Variants in ST6GALNAC3 observed in about 807,000 individuals in gnomAD.
ST6GALNAC3 encodes ST6 N-acetylgalactosaminide alpha-2,6-sialyltransferase 3.
A neutral mutation model predicts 32.7 loss-of-function variants in ST6GALNAC3; 25 were observed. That is an observed-to-expected ratio of 0.76 (90% confidence interval 0.56 to 1.07). The LOEUF (loss-of-function observed/expected upper bound fraction) is 1.07, where lower values mean the gene tolerates loss of function less well. Ranked by LOEUF, ST6GALNAC3 falls within the 50% of genes least tolerant of loss-of-function variation. The pLI, the probability that ST6GALNAC3 is intolerant of heterozygous loss-of-function variation, is 0.00. For synonymous variants in ST6GALNAC3, 129 were observed against 133.1 expected (o/e 0.97, Z 0.21); for missense variants, 355 against 382.4 (o/e 0.93, Z 0.60).
Position 76,439,879 on chromosome 1 carries a change from A to G in ST6GALNAC3, c.623+27462A>G, listed in dbSNP as rs1340740757. On this transcript the variant is annotated intron_variant, in intron 3 of 4. Transcript: ENST00000328299. ...CCACTTACCATCAGTGTCACTTTGT[A>G]CACATTAACCTCTATGTGCCTCACT... Among the ~76,000 whole-genome samples the G allele has an allele frequency of 4.6e-5, 7 of 152,356 alleles. No homozygotes were observed. In the East Asian group the frequency reaches 1.4e-3, roughly 29 times the overall value.
intron 2 of ST6GALNAC3, among the ~76,000 whole-genome samples, chr1:76,362,686 A>G (rs780987795): frequency 1.3e-5 from 2 of 152,218 alleles, no homozygotes; most frequent in Non-Finnish European, 2.9e-5. Flanking sequence ...CAAGTCCTAA[A>G]CCCAACAGGG....
chr1:76,352,364 C>CT (rs35217803), intron 2 of ST6GALNAC3, among the ~76,000 whole-genome samples: 136 of 146,484 alleles, frequency 9.3e-4, no homozygotes, highest in East Asian at 1.6e-3. Flanking sequence ...CTATTTCCTC[C>CT]TTTTTTTTTT....
Position 76,175,876 on chromosome 1 carries a change from C to T in ST6GALNAC3, c.18+100992C>T, listed in dbSNP as rs375782348. On this transcript the variant is annotated intron_variant, in intron 1 of 4. Transcript: ENST00000328299. The stretch of plus-strand genomic sequence containing the variant: ...ACTAATCACAATTTTAACATTGCTT[C>T]TCCAGAAAAATACTTTCTGAGTTAC... 4.5e-4 allele frequency among the ~76,000 whole-genome samples: 68 copies of T among 152,242 alleles called. 3 individuals carry two copies. The highest frequency in any genetic ancestry group is 1.6e-3 in the African/African-American group (66 of 41,550).
intron 3 of ST6GALNAC3, among the ~76,000 whole-genome samples, chr1:76,495,066 C>G (rs907559225): frequency 2.6e-5 from 4 of 152,186 alleles, no homozygotes; most frequent in South Asian, 2.1e-4. Flanking sequence ...AGGCATCCCC[C>G]ACATTAGGAA....
At chr1:76,165,346 A>T (rs933144328) in intron 1 of ST6GALNAC3, among the ~76,000 whole-genome samples, 1 of 152,054 alleles carries the variant, frequency 6.6e-6, no homozygotes, top group Non-Finnish European at 1.5e-5. Flanking sequence ...AAAAGATATG[A>T]TCTTGTTCCT....
At chr1:76,356,646 G>A (rs1041817726) in intron 2 of ST6GALNAC3, among the ~76,000 whole-genome samples, 4 of 152,120 alleles carry the variant, frequency 2.6e-5, no homozygotes, top group African/African-American at 9.7e-5. Flanking sequence ...GATAATGAAA[G>A]TTAACTAAAA....
intron 3 of ST6GALNAC3, among the ~76,000 whole-genome samples, chr1:76,580,204 T>C (rs147883229): frequency 1.3e-5 from 2 of 152,226 alleles, no homozygotes; most frequent in African/African-American, 4.8e-5. Flanking sequence ...TCTATTGCAT[T>C]TACATCATCC....
intron 3 of ST6GALNAC3, among the ~76,000 whole-genome samples, chr1:76,544,770 G>A (rs1026161166): frequency 6.6e-6 from 1 of 152,150 alleles, no homozygotes; most frequent in Non-Finnish European, 1.5e-5. Flanking sequence ...GGAGTTATCA[G>A]CGTATCGATG....
At chr1:76,488,338 G>A (rs1341836157) in intron 3 of ST6GALNAC3, among the ~76,000 whole-genome samples, 1 of 13,788 alleles carries the variant, frequency 7.3e-5, no homozygotes, top group East Asian at 0.023. Context: ...TTCACCTTCT[G>A]TGTTGATTGT....
At chr1:76,141,821 G>T (rs1650344968) in intron 1 of ST6GALNAC3, among the ~76,000 whole-genome samples, 1 of 151,532 alleles carries the variant, frequency 6.6e-6, no homozygotes, top group African/African-American at 2.4e-5. Context: ...TAAGGATAAG[G>T]AGAGGCTCTG....
At chr1:76,120,667 T>C (rs916711036) in intron 1 of ST6GALNAC3, among the ~76,000 whole-genome samples, 1 of 152,186 alleles carries the variant, frequency 6.6e-6, no homozygotes, top group Non-Finnish European at 1.5e-5. Flanking sequence ...TAACTCCACT[T>C]GGATAGCTAA....
intron 1 of ST6GALNAC3, among the ~76,000 whole-genome samples, chr1:76,103,695 C>A: frequency 6.6e-6 from 1 of 152,128 alleles, no homozygotes. Flanking sequence ...AGAATCCACC[C>A]CTTGCCTCTT....
At chr1:76,560,419 T>C (rs1220547008) in intron 3 of ST6GALNAC3, among the ~76,000 whole-genome samples, 1 of 152,106 alleles carries the variant, frequency 6.6e-6, no homozygotes, top group African/African-American at 2.4e-5. Flanking sequence ...GAGAAAATAC[T>C]TGCAAACTAC....
intron 1 of ST6GALNAC3, among the ~76,000 whole-genome samples, chr1:76,251,666 G>A (rs772974804): frequency 1.3e-5 from 2 of 152,086 alleles, no homozygotes; most frequent in Non-Finnish European, 2.9e-5. Flanking sequence ...GGCAACTTGC[G>A]TAGACTTCTG....
chr1:76,379,518 C>G (rs1386671243), intron 2 of ST6GALNAC3, among the ~76,000 whole-genome samples: 1 of 152,084 alleles, frequency 6.6e-6, no homozygotes, highest in Non-Finnish European at 1.5e-5. Context: ...AAACTCTGGC[C>G]AAGTAGTTTT....
chr1:76,462,784 C>T (rs778720657), intron 3 of ST6GALNAC3, among the ~76,000 whole-genome samples: 7 of 152,236 alleles, frequency 4.6e-5, no homozygotes, highest in South Asian at 2.1e-4. Flanking sequence ...AAATATCATA[C>T]GTGCAGCCAT....
intron 3 of ST6GALNAC3, among the ~76,000 whole-genome samples, chr1:76,427,605 G>A (rs1443269433): frequency 6.6e-6 from 1 of 152,050 alleles, no homozygotes; most frequent in Non-Finnish European, 1.5e-5. Context: ...GAGGGACACT[G>A]GTCCATATTA....
intron 1 of ST6GALNAC3, among the ~76,000 whole-genome samples, chr1:76,129,443 A>G (rs1049533307): frequency 2.6e-5 from 4 of 152,132 alleles, no homozygotes; most frequent in Non-Finnish European, 5.9e-5. Flanking sequence ...TGTGGATTTC[A>G]GTGCCGTTTC....
At chr1:76,570,406 GT>G (rs1665792035) in intron 3 of ST6GALNAC3, among the ~76,000 whole-genome samples, 2 of 150,798 alleles carry the variant, frequency 1.3e-5, no homozygotes, top group African/African-American at 4.9e-5. Context: ...TAATTTCTCT[GT>G]ACTCCATGCA....
Sources: allele counts gnomAD v4.1 joint callset (sites outside exome capture counted in the v4.1 genomes callset), GRCh38; gene constraint gnomAD v4.1.1; transcripts MANE v1.5; gene names NCBI Gene and HGNC (gene_info 2026-07-23, HGNC 2026-07-21).